Variants in HLA-B observed in about 807,000 individuals in gnomAD.
HLA-B encodes the protein HLA class I antigen HLA-B.
HLA-B carries 31 observed loss-of-function variants against 41.5 expected under a neutral mutation model. That is an observed-to-expected ratio of 0.75 (90% confidence interval 0.56 to 1.01). The LOEUF (loss-of-function observed/expected upper bound fraction) is 1.01, where lower values mean the gene tolerates loss of function less well. Among genes scored for constraint, HLA-B ranks in the 50% least tolerant of loss-of-function variants. The pLI is 0.00. For synonymous variants in HLA-B, 138 were observed against 189.0 expected, an observed-to-expected ratio of 0.73 and a Z score of 2.21; for missense variants, 369 against 457.2, an observed-to-expected ratio of 0.81 and a Z score of 1.76.
intron 7 of HLA-B, 32 bp downstream of exon 7, chr6:31,354,447 A>C (rs200601442): frequency 0.13 from 32,015 of 239,758 alleles, 2,035 homozygotes; most frequent in Admixed American, 0.22. Flanking sequence ...CAGACCCGCC[A>C]CCCCACCCAC....
Position 31,354,466 on chromosome 6 carries a change from C to T in HLA-B, c.*4+13G>A. On this transcript the variant is annotated intron_variant, in intron 7 of 7. Coordinates refer to ENST00000412585, the MANE Select transcript of HLA-B (RefSeq NM_005514.8). ...CCCGCCACCCCACCCACTCTAGACC[C>T]CAAGAATCTCACCTTTTCAAGCTGT... 8.8e-7 allele frequency: 1 copy of T among 1,139,100 alleles called. No homozygotes were observed. Among genetic ancestry groups the T allele is most frequent in the Non-Finnish European group, 1.2e-6 (1 of 845,864 alleles). The allele number at this position is 1,139,100 out of a possible 1,614,324, so 70.6% of individuals were successfully genotyped here. A position where few individuals can be genotyped will look rare whatever the true frequency, so the allele number is the denominator to read the frequency against.
chr6:31,354,540 A>T lies in HLA-B; in HGVS notation c.1046-14T>A. The T allele has an allele frequency of 7.2e-7, 1 of 1,387,886 alleles. No homozygotes were observed. Among genetic ancestry groups the T allele is most frequent in the Non-Finnish European group, 9.5e-7 (1 of 1,047,760 alleles). The allele number at this position is 1,387,886 out of a possible 1,614,324, so 86.0% of individuals were successfully genotyped here. ...CACTGTCGCTGCCTGGAGTAGAACAAAAACAGGACCTGGTCAGAGCCCGCA... is the reference window on the plus strand; with the variant it reads ...CACTGTCGCTGCCTGGAGTAGAACATAAACAGGACCTGGTCAGAGCCCGCA... On this transcript the variant is annotated splice_polypyrimidine_tract_variant and intron_variant, in intron 6 of 7. Transcript: ENST00000412585.
chr6:31,354,440 A>ACCCCCCC (rs1554209836), intron 7 of HLA-B, 39 bp downstream of exon 7: 3 of 309,218 alleles, frequency 9.7e-6, no homozygotes, highest in Non-Finnish European at 1.1e-5. Context: ...CCACCCCCAG[A>ACCCCCCC]CCCGCCACCC....
chr6:31,354,446 C>T (rs777029377), intron 7 of HLA-B, 33 bp downstream of exon 7: 1 of 525,636 alleles, frequency 1.9e-6, no homozygotes, highest in Non-Finnish European at 2.7e-6. Context: ...CCAGACCCGC[C>T]ACCCCACCCA....
At chr6:31,356,474 C>T (rs776856743) in intron 2 of HLA-B, 32 bp from the exon 3 acceptor site, 4 of 745,680 alleles carry the variant, frequency 5.4e-6, no homozygotes. Flanking sequence ...GCCCAGTCCC[C>T]CGAGCCCCGC....
rs572137225 is a variant in HLA-B at position 31,354,113 on chromosome 6, T to C, written c.*188A>G. 41 of 468,570 alleles carry C rather than the reference T, an allele frequency of 8.8e-5. No homozygotes were observed. The highest frequency in any genetic ancestry group is 7.8e-4 in the South Asian group (37 of 47,476). 29.0% of individuals were successfully genotyped at this position (468,570 alleles called of 1,614,324 possible). On this transcript the variant is annotated 3_prime_UTR_variant, in exon 8 of 8. Transcript: ENST00000412585. ...ACTGGGGAGGAAACACAGGTCAGCA[T>C]GGGAACAGGGGTCACAGTGGACACA...
Position 31,356,299 on chromosome 6 carries a change from C to CGGTGT in HLA-B, c.486_487insACACC (p.Ala163ThrfsTer53). 1 of 1,371,580 alleles carries CGGTGT rather than the reference C, an allele frequency of 7.3e-7. No homozygotes were observed. The highest frequency in any genetic ancestry group is 9.6e-7 in the Non-Finnish European group (1 of 1,042,548). 85.0% of individuals were successfully genotyped at this position (1,371,580 alleles called of 1,614,324 possible). On this transcript the variant is annotated frameshift_variant, in exon 3 of 8. Coordinates refer to ENST00000412585, the MANE Select transcript of HLA-B (RefSeq NM_005514.8). LOFTEE classifies it high-confidence loss of function. ...CACTTGCGCTGGGTGATCTGAGCCG[C>CGGTGT]CGTGTCCGCGGCGGTCCAGGAGCGC...
At chr6:31,356,579 G>C (rs1234759774) in intron 2 of HLA-B, 109 bp downstream of exon 2, 2 of 1,115,380 alleles carry the variant, frequency 1.8e-6, no homozygotes, top group Non-Finnish European at 2.5e-6. Flanking sequence ...GTCTGGGCGG[G>C]TCCCGCGGCC....
chr6:31,354,590 T>A, intron 6 of HLA-B, 43 bp downstream of exon 6: 5 of 1,456,884 alleles, frequency 3.4e-6, no homozygotes, highest in Non-Finnish European at 4.6e-6. Context: ...GGAGGAATTA[T>A]GGGGTGGGTG....
In HLA-B at chr6:31,356,639, C is replaced by T. The variant is rs773843833; in HGVS notation, c.343+49G>A. 1.0e-5 allele frequency: 14 copies of T among 1,399,778 alleles called. 1 individual carries two copies. In the African/African-American group the frequency reaches 1.7e-4, roughly 17 times the overall value. The allele number at this position is 1,399,778 out of a possible 1,614,324, so 86.7% of individuals were successfully genotyped here. ...GAGACTCGGGGCGACCCGGGCCGTA[C>T]GTGGGGGATGGGGAGTCGTGACCTG... On this transcript the variant is annotated intron_variant, in intron 2 of 7. Transcript: ENST00000412585.
rs1562161153 is a variant in HLA-B at position 31,354,455 on chromosome 6, C to A, written c.*4+24G>T. 6 of 873,056 alleles carry A rather than the reference C, an allele frequency of 6.9e-6. 1 individual carries two copies. The Admixed American group carries it at 8.6e-5, about 12-fold the overall frequency. 54.1% of individuals were successfully genotyped at this position (873,056 alleles called of 1,614,324 possible). Reference sequence around the variant, plus strand: ...CCACCCCCAGACCCGCCACCCCACCCACTCTAGACCCCAAGAATCTCACCT... The same window carrying A: ...CCACCCCCAGACCCGCCACCCCACCAACTCTAGACCCCAAGAATCTCACCT... On this transcript the variant is annotated intron_variant, in intron 7 of 7. Transcript: ENST00000412585.
intron 2 of HLA-B, 116 bp from the exon 3 acceptor site, chr6:31,356,558 G>A (rs41544719): frequency 2.2e-6 from 2 of 896,638 alleles, no homozygotes; most frequent in Non-Finnish European, 3.1e-6. Context: ...TGGGGCTCTC[G>A]CCGGTCGAGG....
chr6:31,354,073 G>A lies in HLA-B; in HGVS notation c.*228C>T. On this transcript the variant is annotated 3_prime_UTR_variant, in exon 8 of 8. Coordinates refer to ENST00000412585, the MANE Select transcript of HLA-B (RefSeq NM_005514.8). ...TGGAGACATCCAGCCCCACCTCTCT[G>A]GAACAAGAAAGATGACTGGGGAGGA... 1 of 437,028 alleles carries A rather than the reference G, an allele frequency of 2.3e-6. No individual in the cohort carries two copies. The highest frequency in any genetic ancestry group is 4.5e-6 in the Non-Finnish European group (1 of 224,020). The allele number at this position is 437,028 out of a possible 1,614,324, so 27.1% of individuals were successfully genotyped here.
chr6:31,354,427 C>CCCCCCCCCCCCA, intron 7 of HLA-B, 52 bp downstream of exon 7: 2 of 301,672 alleles, frequency 6.6e-6, no homozygotes, highest in South Asian at 7.4e-5. Context: ...CCCTCTGCCC[C>CCCCCCCCCCCCA]ACCCACCCCC....
Position 31,356,428 on chromosome 6 carries a change from G to A in HLA-B, c.358C>T (p.Gln120Ter), listed in dbSNP as rs281864615. 1 of 924,236 alleles carries A rather than the reference G, an allele frequency of 1.1e-6. No homozygotes were observed. The highest frequency in any genetic ancestry group is 1.4e-6 in the Non-Finnish European group (1 of 711,214). 57.3% of individuals were successfully genotyped at this position (924,236 alleles called of 1,614,324 possible). A position where few individuals can be genotyped will look rare whatever the true frequency, so the allele number is the denominator to read the frequency against. ...CCCACGTCGCAGCCGTACATGCTCTGGAGGGTGTGAGACCCTGGCCCCGGC... is the reference window on the plus strand; with the variant it reads ...CCCACGTCGCAGCCGTACATGCTCTAGAGGGTGTGAGACCCTGGCCCCGGC... Reference protein sequence around the residue: ...NQSEAGSHTLQSMYGCDVGPD... With the variant: ...NQSEAGSHTL Residue 120 changes from glutamine to a stop codon, truncating the protein, a stop_gained, in exon 3 of 8, where the codon CAG becomes TAG. Coordinates refer to ENST00000412585, the MANE Select transcript of HLA-B (RefSeq NM_005514.8). LOFTEE classifies it high-confidence loss of function.
Position 31,356,301 on chromosome 6 carries a change from GTGTC to G in HLA-B, c.481_484del (p.Asp161ArgfsTer52). The G allele has an allele frequency of 7.4e-7, 1 of 1,345,960 alleles. No homozygotes were observed. Among genetic ancestry groups the G allele is most frequent in the Non-Finnish European group, 9.7e-7 (1 of 1,026,254 alleles). 83.4% of individuals were successfully genotyped at this position (1,345,960 alleles called of 1,614,324 possible). A position where few individuals can be genotyped will look rare whatever the true frequency, so the allele number is the denominator to read the frequency against. The stretch of plus-strand genomic sequence containing the variant: ...CTTGCGCTGGGTGATCTGAGCCGCC[GTGTC>G]CGCGGCGGTCCAGGAGCGCAGGTCC... On this transcript the variant is annotated frameshift_variant, in exon 3 of 8. Transcript: ENST00000412585. LOFTEE classifies it high-confidence loss of function.
In HLA-B at chr6:31,355,227, G is replaced by C. The variant is rs758178667; in HGVS notation, c.896-4C>G. 1 of 1,026,440 alleles carries C rather than the reference G, an allele frequency of 9.7e-7. No individual in the cohort carries two copies. The highest frequency in any genetic ancestry group is 2.4e-5 in the South Asian group (1 of 42,048). The allele number at this position is 1,026,440 out of a possible 1,614,324, so 63.6% of individuals were successfully genotyped here. ...ACGGTGGACTGGGAAGACGGCTCTG[G>C]GAAAGGAGGGGAAGATGAGGGGCCC... On this transcript the variant is annotated splice_region_variant and splice_polypyrimidine_tract_variant and intron_variant, in intron 4 of 7. Coordinates refer to ENST00000412585, the MANE Select transcript of HLA-B (RefSeq NM_005514.8).
chr6:31,356,703 TGTA>T lies in HLA-B; in HGVS notation c.325_327del (p.Tyr109del). On this transcript the variant is annotated inframe_deletion, in exon 2 of 8. Coordinates refer to ENST00000412585, the MANE Select transcript of HLA-B (RefSeq NM_005514.8). The stretch of plus-strand genomic sequence containing the variant: ...GGTCACTCACCGGCCTCGCTCTGGT[TGTA>T]GTAGCCGCGCAGGTTCCGCAGGCTC... The T allele has an allele frequency of 7.5e-7, 1 of 1,331,296 alleles. No individual in the cohort carries two copies. Among genetic ancestry groups the T allele is most frequent in the Non-Finnish European group, 9.9e-7 (1 of 1,008,632 alleles). 82.5% of individuals were successfully genotyped at this position (1,331,296 alleles called of 1,614,324 possible). A position where few individuals can be genotyped will look rare whatever the true frequency, so the allele number is the denominator to read the frequency against.
At chr6:31,354,431 C>CCCCCCCCCCCCCCCCCTTA in intron 7 of HLA-B, 48 bp downstream of exon 7, 1 of 362,280 alleles carries the variant, frequency 2.8e-6, no homozygotes, top group Non-Finnish European at 4.8e-6. Flanking sequence ...CTGCCCCACC[C>CCCCCCCCCCCCCCCCCTTA]ACCCCCAGAC....
Sources: allele counts gnomAD v4.1 joint callset, GRCh38; gene constraint gnomAD v4.1.1; transcripts MANE v1.5; gene names NCBI Gene and HGNC (gene_info 2026-07-23, HGNC 2026-07-21).